PRIM2: variants seen among roughly 807,000 people sequenced by gnomAD.
The protein encoded by PRIM2 is DNA primase subunit 2, also known as DNA primase large subunit.
Under a neutral mutation model 67.3 loss-of-function variants are expected in PRIM2, and 39 were observed. That is an observed-to-expected ratio of 0.58 (90% CI 0.45 to 0.76). The LOEUF is 0.76. PRIM2 is among the 30% of genes least tolerant of loss of function. The pLI is 0.00. For missense variants in PRIM2, 398 were observed against 598.7 expected (o/e 0.66, Z 3.50); for synonymous variants, 143 against 198.7 (o/e 0.72, Z 2.36).
intron 7 of PRIM2, among the ~76,000 whole-genome samples, chr6:57,386,242 A>G (rs2127343184): frequency 6.6e-6 from 1 of 151,370 alleles, no homozygotes. Flanking sequence ...CAACAACAAC[A>G]ACAGCAACAA....
At chr6:57,629,477 C>CT (rs1183159816) in intron 12 of PRIM2, among the ~76,000 whole-genome samples, 2 of 152,092 alleles carry the variant, frequency 1.3e-5, no homozygotes, top group African/African-American at 4.8e-5. Context: ...TGAGTGGTAT[C>CT]TCATGCATTA....
At chr6:57,629,643 ACC>A (rs1777010398) in intron 12 of PRIM2, among the ~76,000 whole-genome samples, 1 of 151,806 alleles carries the variant, frequency 6.6e-6, no homozygotes, top group Non-Finnish European at 1.5e-5. Flanking sequence ...CCATGGATCT[ACC>A]ATCTATTCCC....
chr6:57,443,147 C>G (rs561526453), intron 7 of PRIM2, among the ~76,000 whole-genome samples: 1 of 152,234 alleles, frequency 6.6e-6, no homozygotes, highest in South Asian at 2.1e-4. Flanking sequence ...ATCCTTTCAC[C>G]TGTTGATAGA....
intron 7 of PRIM2, among the ~76,000 whole-genome samples, chr6:57,457,638 G>A (rs1293441340): frequency 6.6e-6 from 1 of 152,160 alleles, no homozygotes. Flanking sequence ...CGTTGTAAAA[G>A]TGCAGTATTG....
chr6:57,643,068 A>G (rs1272268480), intron 13 of PRIM2, among the ~76,000 whole-genome samples: 1 of 151,986 alleles, frequency 6.6e-6, no homozygotes, highest in African/African-American at 2.4e-5. Context: ...TACTTTTCCC[A>G]TGGCAACCCT....
At chr6:57,487,545 G>A (rs1193533489) in intron 7 of PRIM2, among the ~76,000 whole-genome samples, 1 of 152,152 alleles carries the variant, frequency 6.6e-6, no homozygotes, top group African/African-American at 2.4e-5. Flanking sequence ...ATGAAATTTG[G>A]ATCTCAAAAT....
the PRIM2 span, among the ~76,000 whole-genome samples, chr6:57,238,296 T>C: frequency 1.3e-3 from 183 of 142,200 alleles, no homozygotes; most frequent in South Asian, 3.6e-3. Context: ...ATTCCAAAAT[T>C]GACCACATAG....
At chr6:57,340,633 A>C (rs1340368693) in intron 5 of PRIM2, among the ~76,000 whole-genome samples, 2 of 151,676 alleles carry the variant, frequency 1.3e-5, no homozygotes, top group Non-Finnish European at 2.9e-5. Flanking sequence ...ACATATTCTC[A>C]CTCATAGGTG....
chr6:57,568,644 A>G (rs1431517844), intron 10 of PRIM2, among the ~76,000 whole-genome samples: 7 of 152,266 alleles, frequency 4.6e-5, no homozygotes, highest in Non-Finnish European at 1.0e-4. Context: ...AGGAAAATGT[A>G]TAGAAAATTC....
At chr6:57,371,872 G>C (rs569326357) in intron 5 of PRIM2, among the ~76,000 whole-genome samples, 28 of 152,272 alleles carry the variant, frequency 1.8e-4, no homozygotes, top group African/African-American at 6.0e-4. Flanking sequence ...TGTGTGTCTG[G>C]TTGCCTATTT....
At chr6:57,272,310 C>T in the PRIM2 span, among the ~76,000 whole-genome samples, 1 of 152,082 alleles carries the variant, frequency 6.6e-6, no homozygotes, top group African/African-American at 2.4e-5. Context: ...CTGGGTGCTC[C>T]TGTATTGGGT....
At chr6:57,451,430 G>A (rs534081481) in intron 7 of PRIM2, among the ~76,000 whole-genome samples, 9,229 of 152,166 alleles carry the variant, frequency 0.061, 384 homozygotes, top group Admixed American at 0.099. Flanking sequence ...GTGAGCCACC[G>A]CATCTAGCCT....
rs13200817 is a variant in PRIM2 at position 57,429,143 on chromosome 6, C to A, written c.693+46975C>A. 1.2e-3 allele frequency among the ~76,000 whole-genome samples: 189 copies of A among 152,286 alleles called. 5 individuals are homozygous for A. In the East Asian group the frequency reaches 0.016, roughly 13 times the overall value. ...GAAAAAACTTATTTAAACTCTTGTG[C>A]AAGACAGTAAGACCAGACTTAATTC... On this transcript the variant is annotated intron_variant, in intron 7 of 13. Coordinates refer to ENST00000615550, the MANE Select transcript of PRIM2 (RefSeq NM_000947.5).
chr6:57,597,923 A>G (rs1776396075), intron 10 of PRIM2, among the ~76,000 whole-genome samples: 1 of 152,218 alleles, frequency 6.6e-6, no homozygotes, highest in Non-Finnish European at 1.5e-5. Context: ...TTTTATTTCT[A>G]TCTACATGAT....
At chr6:57,525,107 C>T (rs1438091741) in intron 8 of PRIM2, among the ~76,000 whole-genome samples, 1 of 152,124 alleles carries the variant, frequency 6.6e-6, no homozygotes, top group South Asian at 2.1e-4. Context: ...CTAACCTAAC[C>T]TCTTCATCTA....
chr6:57,225,479 G>A, the PRIM2 span, among the ~76,000 whole-genome samples: 6 of 152,296 alleles, frequency 3.9e-5, no homozygotes, highest in African/African-American at 1.4e-4. Flanking sequence ...AGTAGAAATA[G>A]CAACAGAATT....
chr6:57,224,893 T>C, the PRIM2 span, among the ~76,000 whole-genome samples: 1 of 152,218 alleles, frequency 6.6e-6, no homozygotes, highest in African/African-American at 2.4e-5. Context: ...TTCCTATTTC[T>C]GCCTAAAAGC....
chr6:57,318,381 T>C, intron 1 of PRIM2, 56 bp from the exon 2 acceptor site: 2 of 1,482,770 alleles, frequency 1.3e-6, no homozygotes, highest in South Asian at 2.6e-5. Flanking sequence ...TTTTTCTTTT[T>C]TTTCCCCCAA....
Position 57,646,311 on chromosome 6 carries a change from C to T in PRIM2, c.*153C>T, listed in dbSNP as rs1777333870. The T allele has an allele frequency of 1.6e-6, 1 of 625,936 alleles. No homozygotes were observed. Among genetic ancestry groups the T allele is most frequent in the South Asian group, 2.0e-5 (1 of 51,058 alleles). 38.8% of individuals were successfully genotyped at this position (625,936 alleles called of 1,614,324 possible). ...CCTTGACCTTCCCAGCTCAAGTGAT[C>T]CTCCTACCTCAGCCTCCCAAGTAGT... On this transcript the variant is annotated 3_prime_UTR_variant, in exon 14 of 14. Transcript: ENST00000615550.
Sources: allele counts gnomAD v4.1 joint callset (sites outside exome capture counted in the v4.1 genomes callset), GRCh38; gene constraint gnomAD v4.1.1; transcripts MANE v1.5; gene names NCBI Gene and HGNC (gene_info 2026-07-23, HGNC 2026-07-21).